Variants in ADAM20 observed in about 807,000 individuals in gnomAD.
ADAM20 encodes disintegrin and metalloproteinase domain-containing protein 20.
For missense variants in ADAM20, 871 were observed against 883.2 expected, an observed-to-expected ratio of 0.99 and a Z score of 0.18; for synonymous variants, 305 against 310.2, an observed-to-expected ratio of 0.98 and a Z score of 0.18.
At chr14:70,566,753 G>C in the ADAM20 span, among the ~76,000 whole-genome samples, 2 of 152,128 alleles carry the variant, frequency 1.3e-5, no homozygotes, top group Non-Finnish European at 2.9e-5. Context: ...GCCGAGGCAG[G>C]CAGATCACTT....
intron 1 of ADAM20, among the ~76,000 whole-genome samples, chr14:70,528,838 C>T (rs1332463743): frequency 1.3e-5 from 2 of 152,158 alleles, no homozygotes; most frequent in Admixed American, 1.3e-4. Flanking sequence ...CTGTGTTAGA[C>T]AATGACTGAA....
At chr14:70,560,382 A>C in the ADAM20 span, among the ~76,000 whole-genome samples, 1,415 of 152,326 alleles carry the variant, frequency 9.3e-3, 24 homozygotes, top group African/African-American at 0.032. Context: ...ACACTCCAAA[A>C]CCAGCAGCTT....
At chr14:70,568,125 T>G in the ADAM20 span, among the ~76,000 whole-genome samples, 1 of 150,848 alleles carries the variant, frequency 6.6e-6, no homozygotes, top group Non-Finnish European at 1.5e-5. Context: ...AAGGGCTTAG[T>G]GCTAGTCTGA....
At chr14:70,577,247 C>T in the ADAM20 span, among the ~76,000 whole-genome samples, 2 of 152,048 alleles carry the variant, frequency 1.3e-5, no homozygotes, top group Non-Finnish European at 2.9e-5. Flanking sequence ...GCAAATTAAA[C>T]TCAATAGTAC....
In ADAM20 at chr14:70,523,395, C is replaced by T. The variant is rs752519900; in HGVS notation, c.1363G>A (p.Asp455Asn). The change falls in exon 2 of 2, where the codon GAC becomes AAC. Residue 455 changes from aspartate to asparagine, a missense_variant. Transcript: ENST00000256389. The part of the protein sequence containing the change: ...AACAFGICCK[D>N]CKFLPSGTLC... The stretch of plus-strand genomic sequence containing the variant: ...GTTCCTGATGGCAGAAATTTGCAGT[C>T]TTTGCAACATATTCCAAAAGCACAA... 6.2e-6 allele frequency: 10 copies of T among 1,614,028 alleles called. No homozygotes were observed. The highest frequency in any genetic ancestry group is 7.6e-6 in the Non-Finnish European group (9 of 1,179,970).
At position 70,523,117 on chromosome 14, in the gene ADAM20, T is replaced by A; in HGVS notation, c.1641A>T (p.Val547=). The stretch of plus-strand genomic sequence containing the variant: ...TCCAACATTTTACATATGTTGTGCC[T>A]ACAATACCACAGTGACCGAAACGGT... ...QGNRFGHCGI[V]GTTYVKCWTP... The change falls in exon 2 of 2, where the codon GTA becomes GTT. Residue 547 remains valine (V), a synonymous_variant. Transcript: ENST00000256389. 6.2e-7 allele frequency: 1 copy of A among 1,614,028 alleles called. No individual in the cohort carries two copies. The highest frequency in any genetic ancestry group is 8.5e-7 in the Non-Finnish European group (1 of 1,179,948).
At chr14:70,533,606 G>T (rs1019647096) in intron 1 of ADAM20, among the ~76,000 whole-genome samples, 1 of 152,040 alleles carries the variant, frequency 6.6e-6, no homozygotes, top group Non-Finnish European at 1.5e-5. Context: ...GTTGAGGGAT[G>T]GGGGGCAAGG....
the ADAM20 span, among the ~76,000 whole-genome samples, chr14:70,559,226 A>C: frequency 6.6e-6 from 1 of 151,638 alleles, no homozygotes; most frequent in South Asian, 2.1e-4. Context: ...CCTGCTTAAC[A>C]CACAGCCTTC....
Position 70,523,461 on chromosome 14 carries a change from G to T in ADAM20, c.1297C>A (p.Pro433Thr), listed in dbSNP as rs939926809. ...CGTIRQCAKD[P>T]CCLLNCTLHP... ...AGAGTACAGTTTAACAGACAACAGG[G>T]ATCTTTTGCACACTGCCGTATGGTT... Residue 433 changes from proline (P) to threonine (T), a missense_variant, in exon 2 of 2, where the codon CCC (proline) becomes ACC (threonine). Pro to Thr is a conservative substitution (Grantham distance 38). Transcript: ENST00000256389. 6.2e-7 allele frequency: 1 copy of T among 1,613,958 alleles called. No individual in the cohort carries two copies. Among genetic ancestry groups the T allele is most frequent in the Non-Finnish European group, 8.5e-7 (1 of 1,179,950 alleles).
chr14:70,527,607 A>C (rs1016094231), intron 1 of ADAM20, among the ~76,000 whole-genome samples: 33 of 152,154 alleles, frequency 2.2e-4, no homozygotes, highest in African/African-American at 8.0e-4. Context: ...GCCCCCTCAA[A>C]AAACAAATAT....
chr14:70,541,141 TAAGGA>T, the ADAM20 span, among the ~76,000 whole-genome samples: 6 of 152,172 alleles, frequency 3.9e-5, no homozygotes, highest in African/African-American at 1.2e-4. Context: ...ATTAACTGGT[TAAGGA>T]AAGGAATGTT....
chr14:70,567,835 C>G, the ADAM20 span, among the ~76,000 whole-genome samples: 1 of 152,112 alleles, frequency 6.6e-6, no homozygotes, highest in African/African-American at 2.4e-5. Flanking sequence ...AGGTCGTGAG[C>G]TTTGCAACAG....
At chr14:70,537,725 G>C (rs970604962), upstream of ADAM20, among the ~76,000 whole-genome samples, 8 of 152,118 alleles carry the variant, frequency 5.3e-5, no homozygotes, top group African/African-American at 1.9e-4. Context: ...CCACTGGGCT[G>C]TCTCCTTCAC....
intron 1 of ADAM20, among the ~76,000 whole-genome samples, chr14:70,526,756 T>G (rs1232076330): frequency 6.6e-6 from 1 of 152,206 alleles, no homozygotes; most frequent in Non-Finnish European, 1.5e-5. Flanking sequence ...CTAATATTAC[T>G]GGGATTTCAA....
chr14:70,553,535 A>AAAC, the ADAM20 span, among the ~76,000 whole-genome samples: 1 of 148,948 alleles, frequency 6.7e-6, no homozygotes, highest in African/African-American at 2.4e-5. Context: ...TAAAAAAAAA[A>AAAC]AAAAAAAAAA....
upstream of ADAM20, among the ~76,000 whole-genome samples, chr14:70,536,535 TA>T (rs1883840847): frequency 7.0e-6 from 1 of 143,038 alleles, no homozygotes; most frequent in Non-Finnish European, 1.5e-5. Context: ...CTACAGAATT[TA>T]AAAAGAAAAT....
chr14:70,577,779 G>GA, the ADAM20 span, among the ~76,000 whole-genome samples: 1 of 152,084 alleles, frequency 6.6e-6, no homozygotes, highest in South Asian at 2.1e-4. Context: ...CTATTCAATG[G>GA]AAAAAATAGT....
At chr14:70,561,247 G>A in the ADAM20 span, among the ~76,000 whole-genome samples, 102,851 of 152,100 alleles carry the variant, frequency 0.68, 37,034 homozygotes, top group African/African-American at 0.92. Context: ...TGTAACTTTG[G>A]ACTTGAGAGA....
chr14:70,569,456 C>T, the ADAM20 span, among the ~76,000 whole-genome samples: 31 of 152,098 alleles, frequency 2.0e-4, no homozygotes, highest in African/African-American at 7.5e-4. Flanking sequence ...GTCTAAATAC[C>T]CTACTCAAAA....
Sources: gnomAD v4.1 joint callset for allele counts (sites outside exome capture counted in the v4.1 genomes callset) on GRCh38, gnomAD v4.1.1 for gene constraint, MANE v1.5 for transcripts, NCBI Gene and HGNC (gene_info 2026-07-23, HGNC 2026-07-21) for gene names.